Variants in FCHO2 observed in about 807,000 individuals in gnomAD.
FCHO2 encodes the protein FCH and mu domain containing endocytic adaptor 2, also known as F-BAR domain only protein 2.
A neutral mutation model predicts 114.1 loss-of-function variants in FCHO2; 43 were observed. The ratio of observed to expected loss-of-function variants is 0.38; its 90% CI spans 0.30 to 0.49. The LOEUF is 0.49. Among genes scored for constraint, FCHO2 ranks in the 20% least tolerant of loss-of-function variants. FCHO2 has a pLI of 0.97. For missense variants in FCHO2, 807 were observed against 950.4 expected (o/e 0.85, Z 1.98); for synonymous variants, 293 against 315.2 (o/e 0.93, Z 0.75).
intron 5 of FCHO2, among the ~76,000 whole-genome samples, chr5:72,997,865 T>C (rs1315719653): frequency 1.3e-5 from 2 of 152,156 alleles, no homozygotes; most frequent in Non-Finnish European, 2.9e-5. Flanking sequence ...TCACACTCCA[T>C]GTGTGAATGG....
In FCHO2 at chr5:73,056,089, C is replaced by T; in HGVS notation, c.1235C>T (p.Pro412Leu). 6.5e-7 allele frequency: 1 copy of T among 1,528,062 alleles called. No individual in the cohort carries two copies. The highest frequency in any genetic ancestry group is 2.5e-5 in the East Asian group (1 of 40,228). 94.7% of individuals were successfully genotyped at this position (1,528,062 alleles called of 1,614,324 possible). A position where few individuals can be genotyped will look rare whatever the true frequency, so the allele number is the denominator to read the frequency against. The change falls in exon 16 of 26, where the codon CCA (proline) becomes CTA (leucine). Residue 412 changes from proline to leucine, a missense_variant. Physicochemically the swap from Pro to Leu is moderately conservative, Grantham distance 98 (BLOSUM62 -3). Coordinates refer to ENST00000430046, the MANE Select transcript of FCHO2 (RefSeq NM_138782.3). Reference protein sequence around the residue: ...LSNEELTKSKPSAPPNEKGTS... With the variant: ...LSNEELTKSKLSAPPNEKGTS... ...GATGAGGAGTTAACAAAATCAAAGCCATCTGCTCCACCCAATGAGTAAGTT... is the reference window on the plus strand; with the variant it reads ...GATGAGGAGTTAACAAAATCAAAGCTATCTGCTCCACCCAATGAGTAAGTT...
chr5:73,021,431 C>A (rs1193648156), intron 8 of FCHO2, among the ~76,000 whole-genome samples: 1 of 152,164 alleles, frequency 6.6e-6, no homozygotes, highest in Non-Finnish European at 1.5e-5. Context: ...TGAGGCCAAC[C>A]TGAACTGCTT....
chr5:73,064,474 C>T (rs1159327842), intron 18 of FCHO2, among the ~76,000 whole-genome samples: 7 of 152,048 alleles, frequency 4.6e-5, no homozygotes, highest in Non-Finnish European at 4.4e-5. Flanking sequence ...CAGTGAGGCT[C>T]TCCCAGTCTA....
chr5:72,997,035 CTG>C, intron 5 of FCHO2: 1 of 1,410,674 alleles, frequency 7.1e-7, no homozygotes, highest in Non-Finnish European at 1.0e-6. Flanking sequence ...CAGCACCAAA[CTG>C]TTCGATATGA....
At chr5:72,963,925 T>G (rs1362186207) in intron 1 of FCHO2, among the ~76,000 whole-genome samples, 2 of 147,346 alleles carry the variant, frequency 1.4e-5, no homozygotes, top group African/African-American at 2.5e-5. Flanking sequence ...TTTTTTTTTT[T>G]TTTTGTTTAT....
In FCHO2 at chr5:72,959,098, A is replaced by C. The variant is rs145704856; in HGVS notation, c.33+2969A>C. Among the ~76,000 whole-genome samples the C allele has an allele frequency of 2.8e-3, 433 of 152,382 alleles. 2 individuals are homozygous for C. The highest frequency in any genetic ancestry group is 9.9e-3 in the African/African-American group (412 of 41,592). On this transcript the variant is annotated intron_variant, in intron 1 of 25. Transcript: ENST00000430046. ...TTCACTTTCACTATTGAAAACAAATAGTTAATAGACTGCATTTTATTTTAT... is the reference window on the plus strand; with the variant it reads ...TTCACTTTCACTATTGAAAACAAATCGTTAATAGACTGCATTTTATTTTAT...
At chr5:73,054,237 C>T (rs1402021081) in intron 14 of FCHO2, 66 bp downstream of exon 14, 66 of 1,310,754 alleles carry the variant, frequency 5.0e-5, no homozygotes, top group Non-Finnish European at 6.1e-5. Flanking sequence ...GGAAGATTGA[C>T]TTTCAAAATA....
intron 22 of FCHO2, among the ~76,000 whole-genome samples, chr5:73,079,984 A>G (rs1364968209): frequency 6.6e-6 from 1 of 152,226 alleles, no homozygotes; most frequent in Non-Finnish European, 1.5e-5. Context: ...TGAAACCCAG[A>G]AGCCATGTAA....
chr5:73,000,713 T>G (rs552793251), intron 5 of FCHO2, among the ~76,000 whole-genome samples: 3 of 152,056 alleles, frequency 2.0e-5, no homozygotes, highest in Non-Finnish European at 4.4e-5. Context: ...AGGCAGAGGT[T>G]GTGGTGAGCC....
Position 73,063,848 on chromosome 5 carries a change from C to T in FCHO2, c.1353C>T (p.Pro451=). The T allele has an allele frequency of 2.5e-6, 4 of 1,611,466 alleles. No homozygotes were observed. Among genetic ancestry groups the T allele is most frequent in the South Asian group, 1.1e-5 (1 of 90,654 alleles). ...CTTTTCCCCCTCAACCAGCCAGGCC[C>T]ACAACTCCTCTTTCTGTAGGCACCA... ...SSLTSSSSAR[P]TTPLSVGTIV... The change falls in exon 18 of 26, where the codon CCC becomes CCT. Residue 451 remains proline, a synonymous_variant. Transcript: ENST00000430046.
At chr5:73,008,620 C>A (rs1029329742) in intron 6 of FCHO2, among the ~76,000 whole-genome samples, 6 of 152,120 alleles carry the variant, frequency 3.9e-5, no homozygotes, top group African/African-American at 1.4e-4. Context: ...GCCAAGTAAT[C>A]TGGGCTGGAC....
At chr5:73,059,633 A>G in intron 17 of FCHO2, among the ~76,000 whole-genome samples, 1 of 152,150 alleles carries the variant, frequency 6.6e-6, no homozygotes, top group Non-Finnish European at 1.5e-5. Flanking sequence ...TAAGTGGATT[A>G]TAAGAAACCT....
intron 8 of FCHO2, among the ~76,000 whole-genome samples, chr5:73,028,713 C>T (rs1258576574): frequency 6.3e-5 from 9 of 143,884 alleles, no homozygotes; most frequent in Admixed American, 2.1e-4. Flanking sequence ...TGCAGTGGCG[C>T]GATCTTGGCT....
chr5:73,024,730 C>T (rs931094596), intron 8 of FCHO2, among the ~76,000 whole-genome samples: 11 of 152,190 alleles, frequency 7.2e-5, no homozygotes, highest in Admixed American at 2.0e-4. Flanking sequence ...AGCCACCGCC[C>T]GCGGCCTAGC....
At chr5:73,080,449 G>T (rs1743056936) in intron 22 of FCHO2, among the ~76,000 whole-genome samples, 1 of 152,138 alleles carries the variant, frequency 6.6e-6, no homozygotes, top group Non-Finnish European at 1.5e-5. Flanking sequence ...AAGGCATAAA[G>T]GATATTCGCT....
At chr5:73,021,205 A>G in intron 8 of FCHO2, 1 of 752,086 alleles carries the variant, frequency 1.3e-6, no homozygotes, top group Middle Eastern at 2.6e-4. Flanking sequence ...AAGTGATTTG[A>G]CTGTGGGAAA....
At chr5:73,021,275 C>T in intron 8 of FCHO2, 1 of 544,052 alleles carries the variant, frequency 1.8e-6, no homozygotes. Context: ...GGGCTGAGAA[C>T]CCATCACCAC....
intron 19 of FCHO2, among the ~76,000 whole-genome samples, chr5:73,070,011 G>A (rs989358209): frequency 2.6e-5 from 4 of 152,072 alleles, no homozygotes; most frequent in East Asian, 1.9e-4. Context: ...TTCACTAACC[G>A]AGCACTAATT....
At chr5:73,048,799 C>G (rs1436377865) in intron 11 of FCHO2, among the ~76,000 whole-genome samples, 1 of 150,266 alleles carries the variant, frequency 6.7e-6, no homozygotes, top group African/African-American at 2.5e-5. Context: ...TTAATACCCA[C>G]AAAGTATGAA....
Sources: gnomAD v4.1 joint callset for allele counts (sites outside exome capture counted in the v4.1 genomes callset) on GRCh38, gnomAD v4.1.1 for gene constraint, MANE v1.5 for transcripts, NCBI Gene and HGNC (gene_info 2026-07-23, HGNC 2026-07-21) for gene names.